Variants in PCDHA1 observed in about 807,000 individuals in gnomAD.
PCDHA1 encodes the protein protocadherin alpha 1, also known as protocadherin alpha-1.
In PCDHA1, 42 loss-of-function variants were observed where a neutral mutation model predicts 61.3. The observed-to-expected ratio is 0.69, with a 90% CI of 0.54 to 0.89. The LOEUF (loss-of-function observed/expected upper bound fraction) is 0.89, where lower values mean the gene tolerates loss of function less well. PCDHA1 is among the 40% of genes least tolerant of loss of function. The pLI, the probability that PCDHA1 is intolerant of heterozygous loss-of-function variation, is 0.00. For missense variants in PCDHA1, 1,256 were observed against 1,235.3 expected (o/e 1.02, Z -0.25); for synonymous variants, 610 against 553.8 (o/e 1.10, Z -1.43).
chr5:140,870,089 T>C (rs782364525), intron 1 of PCDHA1: 4 of 1,613,796 alleles, frequency 2.5e-6, no homozygotes, highest in Non-Finnish European at 3.4e-6. Flanking sequence ...ACTCCCCCAA[T>C]GGCAGGTCAC....
At chr5:140,840,253 T>C (rs1554137747) in intron 1 of PCDHA1, among the ~76,000 whole-genome samples, 1 of 151,988 alleles carries the variant, frequency 6.6e-6, no homozygotes, top group Non-Finnish European at 1.5e-5. Context: ...GCTATAAAAA[T>C]TGTGATTTTT....
intron 1 of PCDHA1, chr5:140,807,083 A>G: frequency 1.6e-6 from 2 of 1,274,064 alleles, no homozygotes; most frequent in Admixed American, 2.2e-5. Flanking sequence ...CACTCTTTGG[A>G]GTCTGAAATA....
chr5:140,900,438 C>T (rs573115268), intron 1 of PCDHA1, among the ~76,000 whole-genome samples: 21 of 152,234 alleles, frequency 1.4e-4, no homozygotes, highest in South Asian at 8.3e-4. Flanking sequence ...CCACCACGGC[C>T]GGCTAATTTT....
intron 1 of PCDHA1, chr5:140,927,923 C>G: frequency 1.2e-6 from 2 of 1,614,232 alleles, no homozygotes; most frequent in Non-Finnish European, 1.7e-6. Context: ...GACTTCCTGA[C>G]TCTTTCGAAC....
intron 1 of PCDHA1, chr5:140,795,254 G>T (rs1554119334): frequency 1.2e-6 from 2 of 1,614,250 alleles, no homozygotes; most frequent in South Asian, 2.2e-5. Context: ...GAGCTGTGCG[G>T]GCGGAGCGCG....
At chr5:140,819,691 G>A (rs1766600381) in intron 1 of PCDHA1, among the ~76,000 whole-genome samples, 1 of 152,062 alleles carries the variant, frequency 6.6e-6, no homozygotes, top group Admixed American at 6.5e-5. Flanking sequence ...ACAAATGCAA[G>A]TGATAATTTA....
chr5:140,998,565 A>G, intron 3 of PCDHA1, among the ~76,000 whole-genome samples: 1 of 113,790 alleles, frequency 8.8e-6, no homozygotes. Context: ...TTTATTGTAA[A>G]TAAGTTTTTT....
intron 1 of PCDHA1, among the ~76,000 whole-genome samples, chr5:140,954,350 GA>G (rs1255818394): frequency 6.6e-6 from 1 of 152,156 alleles, no homozygotes; most frequent in Non-Finnish European, 1.5e-5. Context: ...GATCTTTGAG[GA>G]ATCGCCACAC....
chr5:140,848,986 AGAACGCC>A (rs2040724980), intron 1 of PCDHA1: 1 of 1,597,958 alleles, frequency 6.3e-7, no homozygotes, highest in African/African-American at 1.4e-5. Flanking sequence ...GATATCGGGG[AGAACGCC>A]CTGCTCACTT....
At chr5:140,881,321 T>C (rs1396829121) in intron 1 of PCDHA1, 1 of 983,920 alleles carries the variant, frequency 1.0e-6, no homozygotes, top group Non-Finnish European at 1.2e-6. Context: ...TTAAATTCTA[T>C]TTAACCAGGA....
intron 1 of PCDHA1, among the ~76,000 whole-genome samples, chr5:140,798,053 C>T (rs550492381): frequency 1.3e-5 from 2 of 152,126 alleles, no homozygotes; most frequent in African/African-American, 4.8e-5. Context: ...TTAGTAGAGA[C>T]GGGGTTGGTC....
chr5:140,968,114 A>G, intron 1 of PCDHA1: 1 of 1,614,164 alleles, frequency 6.2e-7, no homozygotes, highest in Non-Finnish European at 8.5e-7. Context: ...ACCGCAGCTC[A>G]CATCCCTGCG....
chr5:140,802,605 C>A, intron 1 of PCDHA1: 1 of 1,614,074 alleles, frequency 6.2e-7, no homozygotes, highest in Non-Finnish European at 8.5e-7. Context: ...GAACAACCCG[C>A]CGGGCTGCCA....
intron 1 of PCDHA1, among the ~76,000 whole-genome samples, chr5:140,945,375 C>T (rs1414758644): frequency 1.3e-4 from 20 of 152,006 alleles, no homozygotes; most frequent in African/African-American, 3.9e-4. Context: ...GTCCATATTA[C>T]CCAAAGCAAT....
chr5:140,852,838 C>T lies in PCDHA1; in HGVS notation c.2394+64154C>T, dbSNP rs2042489635. 6 of 968,840 alleles carry T rather than the reference C, an allele frequency of 6.2e-6. 1 individual carries two copies. The Admixed American group carries it at 2.5e-4, about 41-fold the overall frequency. The allele number at this position is 968,840 out of a possible 1,614,324, so 60.0% of individuals were successfully genotyped here. A position where few individuals can be genotyped will look rare whatever the true frequency, so the allele number is the denominator to read the frequency against. Reference sequence around the variant, plus strand: ...CCTAAGTCCTCCAGTCTCCTTAGAGCTAGTACTTACTAAGCATTTACTATG... The same window carrying T: ...CCTAAGTCCTCCAGTCTCCTTAGAGTTAGTACTTACTAAGCATTTACTATG... On this transcript the variant is annotated intron_variant, in intron 1 of 3. Coordinates refer to ENST00000504120, the MANE Select transcript of PCDHA1 (RefSeq NM_018900.4).
chr5:140,828,113 A>G (rs1769535465), intron 1 of PCDHA1: 1 of 1,611,760 alleles, frequency 6.2e-7, no homozygotes, highest in Non-Finnish European at 8.5e-7. Flanking sequence ...CCCGGAGGAT[A>G]GATTGGGAAA....
chr5:140,838,077 A>AGTGTGTGT (rs57130401), intron 1 of PCDHA1, among the ~76,000 whole-genome samples: 22 of 80,694 alleles, frequency 2.7e-4, no homozygotes, highest in South Asian at 8.5e-4. Flanking sequence ...ATATATATAT[A>AGTGTGTGT]GTGTGTGTGT....
In PCDHA1 at chr5:140,849,860, C is replaced by T. The variant is rs1451585591; in HGVS notation, c.2394+61176C>T. The T allele has an allele frequency of 5.6e-5, 89 of 1,598,432 alleles. 9 individuals carry two copies. Among genetic ancestry groups the T allele is most frequent in the Non-Finnish European group, 7.4e-5 (87 of 1,167,988 alleles). ...ACGTGAACGACAACGCACCAGCGTT[C>T]GCGCAGTCCGAGTACACGGTGTTCG... On this transcript the variant is annotated intron_variant, in intron 1 of 3. Transcript: ENST00000504120.
At chr5:140,819,710 A>G (rs1377214086) in intron 1 of PCDHA1, among the ~76,000 whole-genome samples, 1 of 152,128 alleles carries the variant, frequency 6.6e-6, no homozygotes, top group Non-Finnish European at 1.5e-5. Context: ...TAAAAAGTAA[A>G]TATAATTTAA....
Sources: gnomAD v4.1 joint callset for allele counts (sites outside exome capture counted in the v4.1 genomes callset) on GRCh38, gnomAD v4.1.1 for gene constraint, MANE v1.5 for transcripts, NCBI Gene and HGNC (gene_info 2026-07-23, HGNC 2026-07-21) for gene names.